The following SNTB1 variants were observed in gnomAD, a reference collection of about 807,000 sequenced individuals.
The protein encoded by SNTB1 is syntrophin beta 1, also known as beta-1-syntrophin.
SNTB1 carries 36 observed loss-of-function variants against 48.9 expected under a neutral mutation model. The observed-to-expected ratio is 0.74, with a 90% CI of 0.56 to 0.97. SNTB1 has a LOEUF of 0.97. SNTB1 is among the 50% of genes least tolerant of loss of function. SNTB1 has a pLI of 0.00. For synonymous variants in SNTB1, 299 were observed against 294.6 expected (o/e 1.01, Z -0.15); for missense variants, 786 against 703.4 (o/e 1.12, Z -1.33).
At chr8:120,616,345 C>G (rs1008396026) in intron 3 of SNTB1, among the ~76,000 whole-genome samples, 6 of 147,832 alleles carry the variant, frequency 4.1e-5, no homozygotes, top group Non-Finnish European at 8.9e-5. Context: ...TTTCACATGG[C>G]CTGGGGTACA....
intron 2 of SNTB1, among the ~76,000 whole-genome samples, chr8:120,636,455 A>G (rs918769545): frequency 2.4e-5 from 3 of 124,198 alleles, no homozygotes; most frequent in Admixed American, 9.6e-5. Context: ...ATGTGATCTC[A>G]TTGTTCAATT....
At chr8:120,676,898 A>G (rs531360535) in intron 2 of SNTB1, among the ~76,000 whole-genome samples, 6 of 151,960 alleles carry the variant, frequency 3.9e-5, no homozygotes, top group Admixed American at 6.6e-5. Context: ...TCTACTACAA[A>G]TAATTTCAAA....
chr8:120,587,204 G>A (rs1374463987), intron 3 of SNTB1, among the ~76,000 whole-genome samples: 3 of 147,382 alleles, frequency 2.0e-5, no homozygotes, highest in Non-Finnish European at 4.5e-5. Flanking sequence ...CTGGGCAACG[G>A]AGCGAGACTC....
rs1454481505 is a variant in SNTB1 at position 120,669,472 on chromosome 8, G to A, written c.788+24220C>T. 1.2e-4 allele frequency among the ~76,000 whole-genome samples: 4 copies of A among 33,416 alleles called. 1 individual carries two copies. Among genetic ancestry groups the A allele is most frequent in the African/African-American group, 1.5e-3 (1 of 656 alleles). The allele number at this position is 33,416 out of a possible 152,430, so 21.9% of individuals were successfully genotyped here. On this transcript the variant is annotated intron_variant, in intron 2 of 6. Transcript: ENST00000517992. ...TTTTTTTTTTTTTTTTTGAGACGGA[G>A]TCTCGCTCTGTCGCCCAGGCCGGAC...
At chr8:120,599,552 G>A (rs967166507) in intron 3 of SNTB1, among the ~76,000 whole-genome samples, 7 of 152,080 alleles carry the variant, frequency 4.6e-5, no homozygotes, top group Admixed American at 3.9e-4. Context: ...AGATATACAC[G>A]ATCAGTCAGT....
chr8:120,555,625 T>G (rs1312811588), intron 4 of SNTB1, among the ~76,000 whole-genome samples: 1 of 152,192 alleles, frequency 6.6e-6, no homozygotes, highest in East Asian at 1.9e-4. Context: ...GGCTGCTCTT[T>G]GTTAGAAAAT....
intron 3 of SNTB1, among the ~76,000 whole-genome samples, chr8:120,618,674 A>T (rs530895643): frequency 1.3e-5 from 2 of 152,352 alleles, no homozygotes; most frequent in African/African-American, 4.8e-5. Flanking sequence ...TCCCTAAAAG[A>T]TGAGGGATAA....
At chr8:120,644,934 T>G (rs1817260904) in intron 2 of SNTB1, among the ~76,000 whole-genome samples, 1 of 152,178 alleles carries the variant, frequency 6.6e-6, no homozygotes, top group Admixed American at 6.5e-5. Flanking sequence ...CATTTTTTCA[T>G]GTGTTTTTTG....
intron 1 of SNTB1, among the ~76,000 whole-genome samples, chr8:120,738,534 T>C (rs1320111921): frequency 6.8e-6 from 1 of 147,048 alleles, no homozygotes; most frequent in Non-Finnish European, 1.5e-5. Context: ...CCTACCTCCC[T>C]TCCTTCCTTC....
At chr8:120,620,743 AG>A (rs1816780806) in intron 3 of SNTB1, among the ~76,000 whole-genome samples, 2 of 146,476 alleles carry the variant, frequency 1.4e-5, no homozygotes, top group Admixed American at 7.2e-5. Flanking sequence ...TCAGAGATCC[AG>A]GCACACAAAA....
chr8:120,566,540 C>G (rs1815751962), intron 4 of SNTB1, among the ~76,000 whole-genome samples: 1 of 151,960 alleles, frequency 6.6e-6, no homozygotes, highest in Non-Finnish European at 1.5e-5. Context: ...TATAAATTAC[C>G]CAGGCTAAGG....
At chr8:120,670,831 A>G (rs1817746679) in intron 2 of SNTB1, among the ~76,000 whole-genome samples, 1 of 152,122 alleles carries the variant, frequency 6.6e-6, no homozygotes, top group South Asian at 2.1e-4. Flanking sequence ...GATGGACACA[A>G]TGTTCTTTCC....
intron 1 of SNTB1, 62 bp downstream of exon 1, chr8:120,811,211 G>T (rs1820422966): frequency 1.5e-5 from 23 of 1,522,890 alleles, no homozygotes; most frequent in Non-Finnish European, 1.9e-5. Flanking sequence ...GTGAGCGTGC[G>T]GGTGGGAAGC....
At chr8:120,633,854 A>G (rs1817024277) in intron 2 of SNTB1, among the ~76,000 whole-genome samples, 1 of 152,206 alleles carries the variant, frequency 6.6e-6, no homozygotes, top group African/African-American at 2.4e-5. Context: ...GTTTCTCCCA[A>G]TGGTTATATT....
At chr8:120,698,475 C>T (rs1563854781) in intron 1 of SNTB1, among the ~76,000 whole-genome samples, 2 of 152,008 alleles carry the variant, frequency 1.3e-5, no homozygotes, top group Non-Finnish European at 2.9e-5. Context: ...CTTAAAATCC[C>T]TTTGTCCATC....
intron 5 of SNTB1, 124 bp downstream of exon 5, chr8:120,548,638 A>G: frequency 2.5e-6 from 2 of 799,672 alleles, no homozygotes; most frequent in Non-Finnish European, 2.0e-6. Context: ...AAGAATTTAA[A>G]TTTGCTTCTG....
At chr8:120,592,711 T>G (rs1816262530) in intron 3 of SNTB1, among the ~76,000 whole-genome samples, 2 of 152,064 alleles carry the variant, frequency 1.3e-5, no homozygotes, top group African/African-American at 4.8e-5. Context: ...GTCAAATAAA[T>G]AAAGAAATAT....
intron 1 of SNTB1, among the ~76,000 whole-genome samples, chr8:120,747,016 C>T (rs147170391): frequency 0.018 from 2,772 of 151,696 alleles, 42 homozygotes; most frequent in Middle Eastern, 0.031. Flanking sequence ...ACGGAATACT[C>T]GGAAGCAATG....
intron 2 of SNTB1, among the ~76,000 whole-genome samples, chr8:120,671,419 A>G (rs879920590): frequency 5.9e-5 from 9 of 152,270 alleles, no homozygotes; most frequent in Non-Finnish European, 8.8e-5. Context: ...AGGACACACA[A>G]TGATATACAC....
Sources: allele counts gnomAD v4.1 joint callset (sites outside exome capture counted in the v4.1 genomes callset), GRCh38; gene constraint gnomAD v4.1.1; transcripts MANE v1.5; gene names NCBI Gene and HGNC (gene_info 2026-07-23, HGNC 2026-07-21).